Variants in ERBB4 observed in about 807,000 individuals in gnomAD.
The protein encoded by ERBB4 is erb-b2 receptor tyrosine kinase 4.
A neutral mutation model predicts 158.0 loss-of-function variants in ERBB4; 42 were observed. The observed-to-expected ratio is 0.27, with a 90% CI of 0.21 to 0.34. The LOEUF is 0.34. ERBB4 is among the 10% of genes least tolerant of loss of function. The pLI, the probability that ERBB4 is intolerant of heterozygous loss-of-function variation, is 1.00. For missense variants in ERBB4, 1,333 were observed against 1,624.1 expected (o/e 0.82, Z 3.08); for synonymous variants, 583 against 558.7 (o/e 1.04, Z -0.61).
intron 2 of ERBB4, among the ~76,000 whole-genome samples, chr2:211,986,996 T>C (rs145531944): frequency 3.3e-5 from 5 of 152,260 alleles, no homozygotes; most frequent in African/African-American, 1.2e-4. Flanking sequence ...AATATTAATG[T>C]AAGATACTAG....
At chr2:211,793,030 T>C (rs776688843) in intron 3 of ERBB4, among the ~76,000 whole-genome samples, 2 of 151,872 alleles carry the variant, frequency 1.3e-5, no homozygotes, top group Non-Finnish European at 2.9e-5. Context: ...CTAATTGTGA[T>C]GTAACATCCC....
intron 19 of ERBB4, among the ~76,000 whole-genome samples, chr2:211,603,233 T>A (rs2371307): frequency 0.86 from 128,249 of 149,160 alleles, 54,705 homozygotes; most frequent in Non-Finnish European, 0.9. Flanking sequence ...TCCGTCTCAA[T>A]AAATAAATAA....
At chr2:212,339,964 G>C (rs982796899) in intron 1 of ERBB4, among the ~76,000 whole-genome samples, 3 of 151,872 alleles carry the variant, frequency 2.0e-5, no homozygotes, top group African/African-American at 7.3e-5. Context: ...TGATGATGCT[G>C]TCCTACTAGA....
At chr2:211,731,309 T>A (rs2106152486) in intron 5 of ERBB4, among the ~76,000 whole-genome samples, 1 of 152,280 alleles carries the variant, frequency 6.6e-6, no homozygotes, top group Middle Eastern at 3.4e-3. Context: ...GCTGCCTCTA[T>A]TCTATTTTTG....
At chr2:211,553,355 T>C (rs1203376661) in intron 20 of ERBB4, among the ~76,000 whole-genome samples, 3 of 152,142 alleles carry the variant, frequency 2.0e-5, no homozygotes, top group Non-Finnish European at 2.9e-5. Context: ...CATATGTGGA[T>C]GAGAGACTCA....
rs564167028 is a variant in ERBB4 at position 212,385,652 on chromosome 2, C to T, written c.82+152797G>A. ...CTGCTTGCTGTTAATAGTATAGATG[C>T]CAATCCCTCAATCACAAGAGAAAAA... On this transcript the variant is annotated intron_variant, in intron 1 of 27. Transcript: ENST00000342788. Among the ~76,000 whole-genome samples, 30 of 151,816 alleles carry T rather than the reference C, an allele frequency of 2.0e-4. No individual in the cohort carries two copies. In the East Asian group the frequency reaches 4.7e-3, roughly 24 times the overall value.
intron 20 of ERBB4, among the ~76,000 whole-genome samples, chr2:211,513,051 T>G (rs962654249): frequency 2.0e-5 from 3 of 151,998 alleles, no homozygotes; most frequent in African/African-American, 7.2e-5. Flanking sequence ...GAGATCTACC[T>G]CTTAGGGTCT....
chr2:211,919,569 G>T (rs1230871670), intron 3 of ERBB4, among the ~76,000 whole-genome samples: 1 of 151,928 alleles, frequency 6.6e-6, no homozygotes, highest in African/African-American at 2.4e-5. Context: ...ATCCCATCAG[G>T]TCTTATGGTA....
intron 1 of ERBB4, among the ~76,000 whole-genome samples, chr2:212,172,718 G>A (rs560101578): frequency 2.0e-5 from 3 of 152,134 alleles, no homozygotes; most frequent in Admixed American, 1.3e-4. Context: ...ACTTATAAGT[G>A]GGAGCTAAAT....
intron 1 of ERBB4, among the ~76,000 whole-genome samples, chr2:212,183,030 A>C (rs921613858): frequency 1.3e-5 from 2 of 151,790 alleles, no homozygotes; most frequent in African/African-American, 4.8e-5. Context: ...CAAAGTGAAA[A>C]AGGTTATGAG....
intron 19 of ERBB4, among the ~76,000 whole-genome samples, chr2:211,600,766 C>T (rs1337978851): frequency 1.3e-5 from 2 of 152,130 alleles, no homozygotes; most frequent in East Asian, 3.9e-4. Context: ...CTTTTTGTTT[C>T]TTTTTGGTTT....
chr2:212,437,208 G>C (rs910301815), intron 1 of ERBB4, among the ~76,000 whole-genome samples: 2 of 151,922 alleles, frequency 1.3e-5, no homozygotes, highest in African/African-American at 4.8e-5. Context: ...TCCTAAATAA[G>C]TTTGGCTTAG....
intron 3 of ERBB4, among the ~76,000 whole-genome samples, chr2:211,930,583 T>G (rs1236076548): frequency 6.6e-6 from 1 of 152,130 alleles, no homozygotes; most frequent in African/African-American, 2.4e-5. Flanking sequence ...CACTTCTTTT[T>G]AACACACTGA....
intron 1 of ERBB4, among the ~76,000 whole-genome samples, chr2:212,193,608 G>A (rs1476997527): frequency 1.3e-5 from 2 of 151,620 alleles, no homozygotes; most frequent in African/African-American, 4.8e-5. Flanking sequence ...AGAACTCTTA[G>A]AACACTATAA....
At chr2:212,536,135 G>A (rs1350826708) in intron 1 of ERBB4, among the ~76,000 whole-genome samples, 1 of 152,166 alleles carries the variant, frequency 6.6e-6, no homozygotes, top group Non-Finnish European at 1.5e-5. Flanking sequence ...AACTGCTACT[G>A]ACTGCTAACC....
intron 1 of ERBB4, among the ~76,000 whole-genome samples, chr2:212,219,793 A>T (rs2083232404): frequency 6.6e-6 from 1 of 151,388 alleles, no homozygotes; most frequent in Non-Finnish European, 1.5e-5. Context: ...TTCATAACAC[A>T]AAACACTCTT....
intron 1 of ERBB4, 152 bp downstream of exon 1, chr2:212,538,297 G>T (rs1005979664): frequency 4.1e-6 from 3 of 729,288 alleles, no homozygotes; most frequent in Non-Finnish European, 7.5e-6. Context: ...AGTTTCAAAT[G>T]GAAAGAGGGG....
At chr2:212,002,953 G>A (rs575677097) in intron 2 of ERBB4, among the ~76,000 whole-genome samples, 4 of 151,198 alleles carry the variant, frequency 2.6e-5, no homozygotes, top group East Asian at 2.0e-4. Context: ...TCCAGACTCG[G>A]GAGGCTGTGG....
In ERBB4 at chr2:211,867,023, C is replaced by CTAAA. The variant is rs1559592690; in HGVS notation, c.422-78865_422-78864insTTTA. 2.1e-4 allele frequency among the ~76,000 whole-genome samples: 4 copies of CTAAA among 19,454 alleles called. 1 individual carries two copies. The East Asian group carries it at 0.011, about 52-fold the overall frequency. The allele number at this position is 19,454 out of a possible 152,430, so 12.8% of individuals were successfully genotyped here. A position where few individuals can be genotyped will look rare whatever the true frequency, so the allele number is the denominator to read the frequency against. ...CTATTAAACTCTCCATTCCTTAAAA[C>CTAAA]CAAAAAAAAAAAAAAAAAAAAAAAA... On this transcript the variant is annotated intron_variant, in intron 3 of 27. Transcript: ENST00000342788.
Sources: gnomAD v4.1 joint callset for allele counts (sites outside exome capture counted in the v4.1 genomes callset) on GRCh38, gnomAD v4.1.1 for gene constraint, MANE v1.5 for transcripts, NCBI Gene and HGNC (gene_info 2026-07-23, HGNC 2026-07-21) for gene names.